GRM3: variants seen among roughly 807,000 people sequenced by gnomAD.
The protein encoded by GRM3 is glutamate metabotropic receptor 3, also known as metabotropic glutamate receptor 3.
Under a neutral mutation model 70.5 loss-of-function variants are expected in GRM3, and 26 were observed. The ratio of observed to expected loss-of-function variants is 0.37; its 90% CI spans 0.27 to 0.51. The LOEUF (loss-of-function observed/expected upper bound fraction) is 0.51, where lower values mean the gene tolerates loss of function less well. GRM3 is among the 20% of genes least tolerant of loss of function. The probability of loss-of-function intolerance (pLI) is 0.93; values close to 1 mark genes in which losing one functional copy is unlikely to be tolerated. For synonymous variants in GRM3, 443 were observed against 434.9 expected (o/e 1.02, Z -0.23); for missense variants, 859 against 1,123.8 (o/e 0.76, Z 3.37).
chr7:86,714,384 C>A (rs1340015841), intron 1 of GRM3, among the ~76,000 whole-genome samples: 3 of 151,718 alleles, frequency 2.0e-5, no homozygotes, highest in African/African-American at 7.3e-5. Flanking sequence ...ATAGCAACAA[C>A]AATTAACCTT....
In GRM3 at chr7:86,864,525, A is replaced by C; in HGVS notation, c.*170A>C. On this transcript the variant is annotated 3_prime_UTR_variant, in exon 6 of 6. Transcript: ENST00000361669. ...ATATAGTGATGTGCTAGAACTTTCTAGGCTGAGTCTAGTGCCCCTATTATT... is the reference window on the plus strand; with the variant it reads ...ATATAGTGATGTGCTAGAACTTTCTCGGCTGAGTCTAGTGCCCCTATTATT... The C allele has an allele frequency of 1.7e-6, 1 of 576,502 alleles. No homozygotes were observed. The highest frequency in any genetic ancestry group is 3.2e-6 in the Non-Finnish European group (1 of 312,982). 35.7% of individuals were successfully genotyped at this position (576,502 alleles called of 1,614,324 possible).
chr7:86,817,625 A>G (rs2116675217), intron 3 of GRM3, among the ~76,000 whole-genome samples: 1 of 152,086 alleles, frequency 6.6e-6, no homozygotes, highest in Middle Eastern at 3.4e-3. Context: ...CAAAGAAGAG[A>G]AAATATTTCT....
chr7:86,787,224 A>C, intron 3 of GRM3, 108 bp downstream of exon 3: 1 of 945,520 alleles, frequency 1.1e-6, no homozygotes, highest in East Asian at 2.4e-5. Flanking sequence ...AAGCCATAAA[A>C]AGGGTTCAAA....
At chr7:86,684,062 T>TA (rs1342229698) in intron 1 of GRM3, among the ~76,000 whole-genome samples, 2 of 152,168 alleles carry the variant, frequency 1.3e-5, no homozygotes, top group African/African-American at 2.4e-5. Flanking sequence ...ATTTTTTTTT[T>TA]ATCCCTTTAC....
intron 1 of GRM3, among the ~76,000 whole-genome samples, chr7:86,752,284 C>A (rs1186762380): frequency 2.6e-5 from 4 of 152,076 alleles, no homozygotes; most frequent in Non-Finnish European, 5.9e-5. Flanking sequence ...CTCTTTGGTG[C>A]CTAGCTCTGC....
chr7:86,752,048 G>A (rs1044494484), intron 1 of GRM3, among the ~76,000 whole-genome samples: 1 of 152,040 alleles, frequency 6.6e-6, no homozygotes, highest in Non-Finnish European at 1.5e-5. Context: ...AAAAATGCAT[G>A]TCATAATTGC....
chr7:86,854,135 A>G (rs1309747286), intron 5 of GRM3, among the ~76,000 whole-genome samples: 1 of 152,164 alleles, frequency 6.6e-6, no homozygotes, highest in Non-Finnish European at 1.5e-5. Context: ...CAAATCGCCA[A>G]TTAATCCATT....
chr7:86,702,708 C>T (rs1445057416), intron 1 of GRM3, among the ~76,000 whole-genome samples: 2 of 151,780 alleles, frequency 1.3e-5, no homozygotes. Context: ...TTCAGTTTAC[C>T]TCATTTTTCT....
intron 1 of GRM3, among the ~76,000 whole-genome samples, chr7:86,744,837 A>G (rs908545709): frequency 1.3e-5 from 2 of 152,090 alleles, no homozygotes; most frequent in South Asian, 2.1e-4. Context: ...TACAAAAGAT[A>G]CATGAAAAGC....
chr7:86,792,445 G>A (rs1330497351), intron 3 of GRM3, among the ~76,000 whole-genome samples: 17 of 152,132 alleles, frequency 1.1e-4, no homozygotes, highest in Non-Finnish European at 1.5e-5. Context: ...ATGTCACGTA[G>A]GCATTATCTC....
chr7:86,804,467 T>G (rs1797746444), intron 3 of GRM3, among the ~76,000 whole-genome samples: 1 of 152,206 alleles, frequency 6.6e-6, no homozygotes, highest in Non-Finnish European at 1.5e-5. Context: ...TGGAGTACAA[T>G]GGCGCAATCT....
intron 1 of GRM3, among the ~76,000 whole-genome samples, chr7:86,739,949 A>T (rs974806734): frequency 1.3e-5 from 2 of 152,162 alleles, no homozygotes; most frequent in Non-Finnish European, 2.9e-5. Context: ...TCACTGGGAT[A>T]TTGCAAGGAT....
chr7:86,815,184 C>T (rs1234711706), intron 3 of GRM3, among the ~76,000 whole-genome samples: 1 of 151,692 alleles, frequency 6.6e-6, no homozygotes, highest in African/African-American at 2.4e-5. Context: ...GAACAATTTG[C>T]GTCAAATGCA....
chr7:86,810,711 CA>C (rs1276122072), intron 3 of GRM3, among the ~76,000 whole-genome samples: 1 of 151,832 alleles, frequency 6.6e-6, no homozygotes, highest in Non-Finnish European at 1.5e-5. Context: ...AGGTCTGCCC[CA>C]AATGGTTGTA....
chr7:86,712,889 C>G (rs926469635), intron 1 of GRM3, among the ~76,000 whole-genome samples: 1 of 151,998 alleles, frequency 6.6e-6, no homozygotes, highest in Non-Finnish European at 1.5e-5. Context: ...TTGTTGGGCA[C>G]TCAGTTAATT....
At chr7:86,738,069 C>T (rs865959892) in intron 1 of GRM3, among the ~76,000 whole-genome samples, 26 of 152,028 alleles carry the variant, frequency 1.7e-4, no homozygotes, top group Middle Eastern at 3.2e-3. Context: ...AGTTACTGGC[C>T]CTGGTTGAAT....
intron 2 of GRM3, among the ~76,000 whole-genome samples, chr7:86,771,466 G>T (rs578244385): frequency 4.2e-4 from 64 of 151,740 alleles, no homozygotes; most frequent in African/African-American, 1.5e-3. Context: ...TTATAACTAG[G>T]GTTCTCATAT....
At chr7:86,760,207 T>C (rs1016650084) in intron 1 of GRM3, among the ~76,000 whole-genome samples, 1 of 152,094 alleles carries the variant, frequency 6.6e-6, no homozygotes, top group African/African-American at 2.4e-5. Flanking sequence ...TGACTGAAAG[T>C]GCATTTCATT....
In GRM3 at chr7:86,737,813, G is replaced by A. The variant is rs191272336; in HGVS notation, c.-140-27193G>A. Among the ~76,000 whole-genome samples, 124 of 152,062 alleles carry A rather than the reference G, an allele frequency of 8.2e-4. 1 individual carries two copies. The highest frequency in any genetic ancestry group is 2.9e-3 in the African/African-American group (122 of 41,498). On this transcript the variant is annotated intron_variant, in intron 1 of 5. Coordinates refer to ENST00000361669, the MANE Select transcript of GRM3 (RefSeq NM_000840.3). ...TGATCTGTAAAGCAGCAAAAAAAAA[G>A]GAATGAAATATAATGGCAAATTCAT...
Sources: gnomAD v4.1 joint callset for allele counts (sites outside exome capture counted in the v4.1 genomes callset) on GRCh38, gnomAD v4.1.1 for gene constraint, MANE v1.5 for transcripts, NCBI Gene and HGNC (gene_info 2026-07-23, HGNC 2026-07-21) for gene names.